Variants in PARD3 observed in about 807,000 individuals in gnomAD.
PARD3 encodes partitioning defective 3 homolog.
In PARD3, 75 loss-of-function variants were observed where a neutral mutation model predicts 155.4. The observed-to-expected ratio is 0.48, with a 90% CI of 0.40 to 0.58. The LOEUF (loss-of-function observed/expected upper bound fraction) is 0.58. PARD3 is among the 20% of genes least tolerant of loss of function. The probability of loss-of-function intolerance (pLI) is 0.00; values close to 1 mark genes in which losing one functional copy is unlikely to be tolerated. For synonymous variants in PARD3, 576 were observed against 610.5 expected, an observed-to-expected ratio of 0.94 and a Z score of 0.83; for missense variants, 1,642 against 1,721.7, an observed-to-expected ratio of 0.95 and a Z score of 0.82.
intron 3 of PARD3, among the ~76,000 whole-genome samples, chr10:34,484,319 C>T (rs572455777): frequency 3.9e-5 from 6 of 152,164 alleles, no homozygotes; most frequent in East Asian, 3.8e-4. Context: ...ATCACAAATA[C>T]GGACTTCACA....
intron 22 of PARD3, among the ~76,000 whole-genome samples, chr10:34,237,640 T>A (rs1023463959): frequency 2.6e-5 from 4 of 152,264 alleles, no homozygotes; most frequent in Admixed American, 2.6e-4. Context: ...ACTATGAACA[T>A]ATACAAGTGA....
intron 22 of PARD3, among the ~76,000 whole-genome samples, chr10:34,159,539 C>A (rs1372921328): frequency 2.6e-5 from 4 of 152,204 alleles, no homozygotes; most frequent in South Asian, 4.1e-4. Context: ...ATAGGATAAT[C>A]TGAATAGCAA....
chr10:34,726,641 G>T (rs2133780686), intron 1 of PARD3, among the ~76,000 whole-genome samples: 1 of 152,038 alleles, frequency 6.6e-6, no homozygotes, highest in African/African-American at 2.4e-5. Context: ...GGCACCTGTA[G>T]TCCCAGCTAC....
chr10:34,711,589 T>A (rs1030493842), intron 1 of PARD3, among the ~76,000 whole-genome samples: 2 of 152,174 alleles, frequency 1.3e-5, no homozygotes, highest in African/African-American at 4.8e-5. Flanking sequence ...TGCATGGTAA[T>A]TTTTTTACTC....
chr10:34,402,899 T>C (rs974387718), intron 5 of PARD3, among the ~76,000 whole-genome samples: 8 of 152,228 alleles, frequency 5.3e-5, no homozygotes, highest in Non-Finnish European at 1.0e-4. Context: ...TCGGCCACTG[T>C]CTTTTCATTA....
intron 23 of PARD3, among the ~76,000 whole-genome samples, chr10:34,121,622 G>A (rs575333299): frequency 2.0e-5 from 3 of 152,322 alleles, no homozygotes; most frequent in South Asian, 4.1e-4. Flanking sequence ...AAGAAATCAA[G>A]CATCATCTAT....
chr10:34,190,307 C>T (rs918497706), intron 22 of PARD3, among the ~76,000 whole-genome samples: 1 of 152,184 alleles, frequency 6.6e-6, no homozygotes, highest in African/African-American at 2.4e-5. Context: ...GTCTTCCCTT[C>T]ATAAGCCAGA....
chr10:34,783,629 A>T (rs1025743845), intron 1 of PARD3, among the ~76,000 whole-genome samples: 1 of 140,176 alleles, frequency 7.1e-6, no homozygotes, highest in East Asian at 2.0e-4. Context: ...AAAAAAAAAA[A>T]GAATGTAAGT....
chr10:34,793,543 T>C (rs1364120325), intron 1 of PARD3, among the ~76,000 whole-genome samples: 3 of 152,168 alleles, frequency 2.0e-5, no homozygotes, highest in African/African-American at 7.2e-5. Context: ...TCCCGGCACT[T>C]TGGGAGGCCA....
At chr10:34,605,709 ATATATATATATCTCC>A (rs1446795350) in intron 2 of PARD3, among the ~76,000 whole-genome samples, 7 of 67,982 alleles carry the variant, frequency 1.0e-4, no homozygotes, top group Non-Finnish European at 1.7e-4. Flanking sequence ...TATATCTCCT[ATATATATATATCTCC>A]TATATATATA....
intron 5 of PARD3, among the ~76,000 whole-genome samples, chr10:34,409,280 T>G (rs529495618): frequency 1.4e-3 from 220 of 152,174 alleles, no homozygotes; most frequent in Middle Eastern, 6.8e-3. Context: ...TCTGCACCAG[T>G]TCCATGCATA....
intron 2 of PARD3, among the ~76,000 whole-genome samples, chr10:34,695,251 C>T (rs1190143083): frequency 9.2e-5 from 14 of 152,056 alleles, no homozygotes; most frequent in South Asian, 2.1e-4. Context: ...CCAAAGCAGG[C>T]GGATCATGAG....
At chr10:34,389,543 A>G (rs1332088735) in intron 7 of PARD3, among the ~76,000 whole-genome samples, 1 of 152,222 alleles carries the variant, frequency 6.6e-6, no homozygotes, top group Non-Finnish European at 1.5e-5. Flanking sequence ...AGTAAGTCTG[A>G]GTTTTGCGTT....
intron 2 of PARD3, among the ~76,000 whole-genome samples, chr10:34,626,387 C>G (rs2132766168): frequency 6.6e-6 from 1 of 151,274 alleles, no homozygotes; most frequent in South Asian, 2.1e-4. Flanking sequence ...TTATCTGTTT[C>G]TCTCTCTCTC....
At chr10:34,125,965 C>A (rs191270869) in intron 23 of PARD3, among the ~76,000 whole-genome samples, 1 of 152,338 alleles carries the variant, frequency 6.6e-6, no homozygotes, top group East Asian at 1.9e-4. Flanking sequence ...CTGCAGCCTG[C>A]AATTTAGTTC....
intron 22 of PARD3, among the ~76,000 whole-genome samples, chr10:34,134,309 T>C (rs1025660164): frequency 1.3e-5 from 2 of 152,214 alleles, no homozygotes; most frequent in Non-Finnish European, 2.9e-5. Flanking sequence ...GCATACTTTA[T>C]AGCTTTTATG....
chr10:34,311,695 C>T (rs1282344691), intron 20 of PARD3, among the ~76,000 whole-genome samples: 1 of 152,236 alleles, frequency 6.6e-6, no homozygotes, highest in Non-Finnish European at 1.5e-5. Flanking sequence ...CGGGAAGAAC[C>T]TGCTGGTTCA....
intron 2 of PARD3, among the ~76,000 whole-genome samples, chr10:34,676,262 G>A (rs1590587247): frequency 6.6e-6 from 1 of 152,142 alleles, no homozygotes; most frequent in African/African-American, 2.4e-5. Context: ...TCAAAGTGAT[G>A]CACAAAACTG....
At chr10:34,367,119 T>G (rs1666336200) in intron 12 of PARD3, among the ~76,000 whole-genome samples, 1 of 152,120 alleles carries the variant, frequency 6.6e-6, no homozygotes, top group African/African-American at 2.4e-5. Context: ...TCAGACAAAC[T>G]CAAATTGAGG....
Sources: gnomAD v4.1 joint callset for allele counts (sites outside exome capture counted in the v4.1 genomes callset) on GRCh38, gnomAD v4.1.1 for gene constraint, MANE v1.5 for transcripts, NCBI Gene and HGNC (gene_info 2026-07-23, HGNC 2026-07-21) for gene names.